The following LDLRAD4 variants were observed in gnomAD, a reference collection of about 807,000 sequenced individuals.
LDLRAD4 encodes the protein low-density lipoprotein receptor class A domain-containing protein 4.
A neutral mutation model predicts 17.0 loss-of-function variants in LDLRAD4; 5 were observed. The observed-to-expected ratio is 0.29, with a 90% confidence interval of 0.15 to 0.62. The LOEUF (loss-of-function observed/expected upper bound fraction) is 0.62. LDLRAD4 is among the 20% of genes least tolerant of loss of function. LDLRAD4 has a pLI of 0.84. For synonymous variants in LDLRAD4, 168 were observed against 171.8 expected (o/e 0.98, Z 0.17); for missense variants, 340 against 424.7 (o/e 0.80, Z 1.75).
In LDLRAD4 at chr18:13,308,498, C is replaced by T. The variant is rs149988320; in HGVS notation, c.-383+30310C>T. Among the ~76,000 whole-genome samples the T allele has an allele frequency of 5.4e-3, 825 of 152,332 alleles. 7 individuals carry two copies. The highest frequency in any genetic ancestry group is 0.019 in the African/African-American group (772 of 41,566). On this transcript the variant is annotated intron_variant, in intron 1 of 5. Transcript: ENST00000359446. ...GGTTGACATCACCAAGTCGCCCTTC[C>T]TGGGGCCTGTGCTGGTGTACTCTGA...
chr18:13,555,216 T>G (rs369450855), intron 3 of LDLRAD4, among the ~76,000 whole-genome samples: 1 of 152,114 alleles, frequency 6.6e-6, no homozygotes, highest in African/African-American at 2.4e-5. Context: ...AAAAGGGACA[T>G]TAGGTGAAAA....
intron 1 of LDLRAD4, among the ~76,000 whole-genome samples, chr18:13,302,378 A>G (rs2046656308): frequency 6.6e-6 from 1 of 152,212 alleles, no homozygotes; most frequent in Non-Finnish European, 1.5e-5. Context: ...GCAGGGGAGT[A>G]ACAGCTTGCT....
intron 1 of LDLRAD4, among the ~76,000 whole-genome samples, chr18:13,248,774 C>T (rs1202384149): frequency 6.6e-6 from 1 of 152,130 alleles, no homozygotes; most frequent in Admixed American, 6.5e-5. Flanking sequence ...CATTCAGTAT[C>T]CTCCTAGCTA....
At chr18:13,530,349 A>G (rs116941240) in intron 3 of LDLRAD4, among the ~76,000 whole-genome samples, 6,352 of 152,296 alleles carry the variant, frequency 0.042, 162 homozygotes, top group Middle Eastern at 0.075. Context: ...TTTTGCTCCC[A>G]CTGAATGCCA....
At chr18:13,386,621 C>T (rs910002113) in intron 1 of LDLRAD4, among the ~76,000 whole-genome samples, 1 of 152,196 alleles carries the variant, frequency 6.6e-6, no homozygotes, top group Non-Finnish European at 1.5e-5. Flanking sequence ...CCTCCCGCCT[C>T]GGCCTCCCAA....
chr18:13,367,975 C>T lies in LDLRAD4; in HGVS notation c.-382-19366C>T, dbSNP rs1893975. On this transcript the variant is annotated intron_variant, in intron 1 of 5. Coordinates refer to ENST00000359446, the Ensembl canonical transcript of LDLRAD4. The surrounding 1 kb of genome is among the most constrained non-coding windows in gnomAD (Gnocchi z 4.1). ...AAGTCGAGGCTGCAGTGAGCCATGA[C>T]GGCACCACTGCAGTCCTGCCCAGGT... is the stretch of plus-strand genomic sequence containing the variant. Among the ~76,000 whole-genome samples, 53,899 of 151,850 alleles carry T rather than the reference C, an allele frequency of 0.35. 9,568 individuals are homozygous for T. Among genetic ancestry groups the T allele is most frequent in the South Asian group, 0.46 (2,200 of 4,808 alleles).
In LDLRAD4 at chr18:13,593,583, GTCCA is replaced by G. The variant is rs993021725; in HGVS notation, c.182-27514_182-27511del. 3.4e-3 allele frequency among the ~76,000 whole-genome samples: 497 copies of G among 147,954 alleles called. 7 individuals carry two copies. The highest frequency in any genetic ancestry group is 0.012 in the African/African-American group (472 of 38,740). On this transcript the variant is annotated intron_variant, in intron 3 of 5. Coordinates refer to ENST00000359446, the Ensembl canonical transcript of LDLRAD4. ...TATCTGTCTGTCCGTCCGTCCGTCC[GTCCA>G]TCCATCCATCCATCCATCCTATTTA...
chr18:13,575,052 G>C (rs2094749163), intron 3 of LDLRAD4, among the ~76,000 whole-genome samples: 1 of 152,184 alleles, frequency 6.6e-6, no homozygotes, highest in Non-Finnish European at 1.5e-5. Context: ...AAATACAAAG[G>C]AAAAGGGTTT....
intron 3 of LDLRAD4, among the ~76,000 whole-genome samples, chr18:13,584,333 T>C (rs1029859281): frequency 6.6e-6 from 1 of 152,198 alleles, no homozygotes; most frequent in Non-Finnish European, 1.5e-5. Context: ...GGCCACCTCC[T>C]ACAGGAAGCC....
rs2090939793 is a variant in LDLRAD4, at chr18:13,440,271, T to C, written c.181+1887T>C. On this transcript the variant is annotated intron_variant, in intron 3 of 5. Coordinates refer to ENST00000359446, the Ensembl canonical transcript of LDLRAD4. This position sits in a 1 kb window ranked among gnomAD's most constrained non-coding sequence, Gnocchi z 4.4. The stretch of plus-strand genomic sequence containing the variant: ...TGTTTTCAACCCTCCTTCCTACCCT[T>C]CCCTCCTCCCTCGCTCCCTTTCTTG... Among the ~76,000 whole-genome samples, 1 of 152,124 alleles carries C rather than the reference T, an allele frequency of 6.6e-6. No individual in the cohort carries two copies. Among genetic ancestry groups the C allele is most frequent in the Admixed American group, 6.5e-5 (1 of 15,274 alleles).
chr18:13,440,693 G>A lies in LDLRAD4; in HGVS notation c.181+2309G>A, dbSNP rs376444619. On this transcript the variant is annotated intron_variant, in intron 3 of 5. Transcript: ENST00000359446. The surrounding 1 kb of genome is among the most constrained non-coding windows in gnomAD (Gnocchi z 4.4). ...CTGTGGAACAGGCACACTTCCTGCC[G>A]TGTAAGCATCTAAAGGAAAGAACGT... Among the ~76,000 whole-genome samples the A allele has an allele frequency of 9.2e-5, 14 of 152,294 alleles. No individual in the cohort carries two copies. In the South Asian group the frequency reaches 1.7e-3, roughly 18 times the overall value.
chr18:13,290,131 C>G (rs2045881832), intron 1 of LDLRAD4, among the ~76,000 whole-genome samples: 1 of 152,206 alleles, frequency 6.6e-6, no homozygotes. Flanking sequence ...GGTGCCTCCC[C>G]TTTGCTGATG....
intron 2 of LDLRAD4, among the ~76,000 whole-genome samples, chr18:13,422,464 A>C (rs560241417): frequency 6.6e-6 from 1 of 151,974 alleles, no homozygotes; most frequent in African/African-American, 2.4e-5. Context: ...TGGGAGGTGA[A>C]GGTGGGAGGA....
intron 1 of LDLRAD4, among the ~76,000 whole-genome samples, chr18:13,305,637 CAAG>C (rs371537412): frequency 1.3e-5 from 2 of 152,280 alleles, no homozygotes; most frequent in Admixed American, 6.5e-5. Context: ...CATGACATTG[CAAG>C]AAGAAGTTGA....
At chr18:13,314,892 T>A (rs970574304) in intron 1 of LDLRAD4, among the ~76,000 whole-genome samples, 1 of 152,162 alleles carries the variant, frequency 6.6e-6, no homozygotes, top group Non-Finnish European at 1.5e-5. Context: ...AAAGCTATTA[T>A]TATTATTGTT....
intron 1 of LDLRAD4, among the ~76,000 whole-genome samples, chr18:13,231,176 G>A (rs1449001209): frequency 2.6e-5 from 4 of 152,206 alleles, no homozygotes; most frequent in African/African-American, 9.6e-5. Context: ...GCGTATAGAT[G>A]TCTATGGGTG....
At chr18:13,445,286 G>T (rs926041036) in intron 3 of LDLRAD4, among the ~76,000 whole-genome samples, 1 of 152,206 alleles carries the variant, frequency 6.6e-6, no homozygotes, top group African/African-American at 2.4e-5. Context: ...GCCAGAGTGT[G>T]TGGGACTGTG....
intron 1 of LDLRAD4, among the ~76,000 whole-genome samples, chr18:13,262,830 G>A (rs1173851760): frequency 1.8e-5 from 1 of 55,288 alleles, no homozygotes; most frequent in Non-Finnish European, 3.1e-5. Context: ...CCGTGCGTTG[G>A]GGCTGAGTCC....
intron 4 of LDLRAD4, among the ~76,000 whole-genome samples, chr18:13,636,616 C>T (rs1020573205): frequency 6.6e-6 from 1 of 152,148 alleles, no homozygotes; most frequent in South Asian, 2.1e-4. Context: ...CTGCCTCAGC[C>T]TCCTGAGTAG....
Sources: gnomAD v4.1 joint callset for allele counts (sites outside exome capture counted in the v4.1 genomes callset) on GRCh38, gnomAD v4.1.1 for gene constraint, Gnocchi (gnomAD v3.1) non-coding constraint, MANE v1.5 for transcripts, NCBI Gene and HGNC (gene_info 2026-07-23, HGNC 2026-07-21) for gene names.